AAK1: variants seen among roughly 807,000 people sequenced by gnomAD.
AAK1 encodes the protein AP2 associated kinase 1.
A neutral mutation model predicts 116.0 loss-of-function variants in AAK1; 37 were observed. The observed-to-expected ratio is 0.32, with a 90% confidence interval of 0.25 to 0.42. AAK1 has a LOEUF of 0.42. AAK1 is among the 10% of genes least tolerant of loss of function. The pLI is 1.00. For synonymous variants in AAK1, 458 were observed against 439.9 expected (o/e 1.04, Z -0.51); for missense variants, 919 against 1,170.6 (o/e 0.79, Z 3.14).
rs1573040507 is a variant in AAK1 at position 69,643,214 on chromosome 2, G to T, written c.-174C>A. On this transcript the variant is annotated 5_prime_UTR_variant, in exon 2 of 22. Coordinates refer to ENST00000409085, the MANE Select transcript of AAK1 (RefSeq NM_014911.5). Reference sequence around the variant, plus strand: ...TGAGGGAGGATGCCTATAGGAATATGCGTGTCAATCGCGCAGCGGGTCCCC... The same window carrying T: ...TGAGGGAGGATGCCTATAGGAATATTCGTGTCAATCGCGCAGCGGGTCCCC... 1 of 1,415,138 alleles carries T rather than the reference G, an allele frequency of 7.1e-7. No individual in the cohort carries two copies. Among genetic ancestry groups the T allele is most frequent in the African/African-American group, 1.5e-5 (1 of 68,914 alleles). The allele number at this position is 1,415,138 out of a possible 1,614,324, so 87.7% of individuals were successfully genotyped here. A position where few individuals can be genotyped will look rare whatever the true frequency, so the allele number is the denominator to read the frequency against.
At position 69,466,265 on chromosome 2, in the gene AAK1, G is replaced by C. The variant is rs56033551; in HGVS notation, c.*9604C>G. The C allele has an allele frequency of 2.9e-5, 37 of 1,289,740 alleles. No homozygotes were observed. The highest frequency in any genetic ancestry group is 2.3e-4 in the Admixed American group (10 of 43,568). 79.9% of individuals were successfully genotyped at this position (1,289,740 alleles called of 1,614,324 possible). On this transcript the variant is annotated 3_prime_UTR_variant, in exon 22 of 22. Coordinates refer to ENST00000409085, the MANE Select transcript of AAK1 (RefSeq NM_014911.5). ...CGGCTCCTCCCAGCTTCCCCGGGGGGGGTCTGCAGCTCTCATCTTCTTCTT... is the reference window on the plus strand; with the variant it reads ...CGGCTCCTCCCAGCTTCCCCGGGGGCGGTCTGCAGCTCTCATCTTCTTCTT...
At chr2:69,553,915 A>G (rs996524605) in intron 3 of AAK1, among the ~76,000 whole-genome samples, 3 of 138,364 alleles carry the variant, frequency 2.2e-5, no homozygotes, top group African/African-American at 5.6e-5. Flanking sequence ...GTCTCTAAGG[A>G]AAAAAAAAAA....
intron 2 of AAK1, among the ~76,000 whole-genome samples, chr2:69,615,810 TAA>T (rs2105226657): frequency 6.6e-6 from 1 of 152,366 alleles, no homozygotes; most frequent in African/African-American, 2.4e-5. Context: ...AAAACACCTA[TAA>T]CTGTTTTGTT....
rs531513097 is a variant in AAK1 at position 69,505,592 on chromosome 2, G to A, written c.2246C>T (p.Thr749Met). 1.6e-5 allele frequency: 26 copies of A among 1,613,584 alleles called. No homozygotes were observed. The highest frequency in any genetic ancestry group is 5.3e-5 in the African/African-American group (4 of 74,994). Residue 749 changes from threonine (T) to methionine (M), a missense_variant, in exon 16 of 22, where the codon ACG (threonine) becomes ATG (methionine). Around this residue, in one of 4 missense-constraint regions of AAK1, gnomAD observed 263 missense variants for 285.5 expected, o/e 0.92. Transcript: ENST00000409085. Reference protein sequence around the residue: ...FQSTQGDAFATTSFSAGTAEK... With the variant: ...FQSTQGDAFAMTSFSAGTAEK... ...ACCAGTTCCAGCAGAAAATGAGGTC[G>A]TAGCAAAAGCATCACCTTGGGTTGA...
chr2:69,492,794 T>A (rs1462242317), intron 17 of AAK1, among the ~76,000 whole-genome samples: 1 of 151,798 alleles, frequency 6.6e-6, no homozygotes, highest in African/African-American at 2.4e-5. Context: ...AAAGTGCTGG[T>A]ATTACAGGTG....
intron 10 of AAK1, among the ~76,000 whole-genome samples, chr2:69,524,409 CTTTTTTTGTT>C (rs1404677849): frequency 1.5e-5 from 2 of 135,326 alleles, no homozygotes; most frequent in Admixed American, 1.6e-4. Flanking sequence ...TAGCAACATT[CTTTTTTTGTT>C]TTGTTTTGTT....
chr2:69,589,526 T>C (rs1021154062), intron 2 of AAK1, among the ~76,000 whole-genome samples: 4 of 151,638 alleles, frequency 2.6e-5, no homozygotes, highest in African/African-American at 9.7e-5. Context: ...CTGACCAATA[T>C]GATGAAACCC....
At chr2:69,600,352 A>G (rs1673520082) in intron 2 of AAK1, among the ~76,000 whole-genome samples, 1 of 150,732 alleles carries the variant, frequency 6.6e-6, no homozygotes, top group African/African-American at 2.4e-5. Flanking sequence ...AGGAAAAAGG[A>G]AAAAAAAATC....
chr2:69,532,699 A>G (rs1670306495), intron 5 of AAK1, among the ~76,000 whole-genome samples: 1 of 152,220 alleles, frequency 6.6e-6, no homozygotes, highest in South Asian at 2.1e-4. Context: ...CCTTATAAGT[A>G]CCTATATAAA....
At chr2:69,543,019 C>CT (rs1670784956) in intron 4 of AAK1, among the ~76,000 whole-genome samples, 1 of 152,234 alleles carries the variant, frequency 6.6e-6, no homozygotes, top group Non-Finnish European at 1.5e-5. Context: ...ACAGCCTCAA[C>CT]TTGCCATATC....
chr2:69,522,859 C>T (rs78586016), intron 10 of AAK1, among the ~76,000 whole-genome samples: 3,047 of 151,874 alleles, frequency 0.02, 94 homozygotes, highest in African/African-American at 0.07. Context: ...GGTGAGCAGG[C>T]TTCTGTAGAA....
chr2:69,492,071 G>A (rs1375610845), intron 17 of AAK1, among the ~76,000 whole-genome samples: 1 of 152,022 alleles, frequency 6.6e-6, no homozygotes, highest in Non-Finnish European at 1.5e-5. Context: ...ACACCATGAG[G>A]GCGTTACTTG....
chr2:69,480,794 GA>G (rs1675058184), intron 19 of AAK1, 65 bp downstream of exon 19: 5 of 1,384,454 alleles, frequency 3.6e-6, no homozygotes, highest in Admixed American at 4.5e-5. Context: ...TGAGCCAGGT[GA>G]AAAGACTGGC....
chr2:69,530,061 T>C lies in AAK1; in HGVS notation c.818A>G (p.Asn273Ser), dbSNP rs764252422. Residue 273 changes from asparagine to serine, a missense_variant, in exon 8 of 22, where the codon AAC (asparagine) becomes AGC (serine). Transcript: ENST00000409085. ...GESQVAICDG[N>S]FTIPDNSRYS... is the part of the protein sequence containing the mutation. ...TCGAGAATTATCAGGAATTGTGAAG[T>C]TTCCATCACAAATTGCCACCTGACT... is the stretch of plus-strand genomic sequence containing the variant. The C allele has an allele frequency of 1.2e-6, 2 of 1,609,036 alleles. No individual in the cohort carries two copies. The highest frequency in any genetic ancestry group is 1.7e-6 in the Non-Finnish European group (2 of 1,177,522).
chr2:69,594,088 T>C (rs555019418), intron 2 of AAK1, among the ~76,000 whole-genome samples: 241 of 152,316 alleles, frequency 1.6e-3, no homozygotes, highest in Non-Finnish European at 2.5e-3. Context: ...TCTCCTAAGG[T>C]ACAAGTTGGA....
Position 69,463,436 on chromosome 2 carries a change from G to A in AAK1, c.*12433C>T, listed in dbSNP as rs1375541698. 6.6e-6 allele frequency: 1 copy of A among 152,062 alleles called. No individual in the cohort carries two copies. The highest frequency in any genetic ancestry group is 1.5e-5 in the Non-Finnish European group (1 of 68,012). The allele number at this position is 152,062 out of a possible 1,614,324, so 9.4% of individuals were successfully genotyped here. A position where few individuals can be genotyped will look rare whatever the true frequency, so the allele number is the denominator to read the frequency against. On this transcript the variant is annotated 3_prime_UTR_variant, in exon 22 of 22. Transcript: ENST00000409085. ...CAACTCACTGCAGCCTCAAACTCCT[G>A]GGCTCAAGTGATCCTTCCAGCTCAG...
chr2:69,534,280 C>T (rs1283649020), intron 5 of AAK1, among the ~76,000 whole-genome samples: 1 of 152,174 alleles, frequency 6.6e-6, no homozygotes, highest in African/African-American at 2.4e-5. Context: ...AACAACCTCA[C>T]TCTAGAAAGG....
intron 2 of AAK1, among the ~76,000 whole-genome samples, chr2:69,622,637 A>T (rs1197567166): frequency 1.3e-5 from 2 of 152,180 alleles, no homozygotes; most frequent in Admixed American, 6.5e-5. Context: ...GGGTTTGTGA[A>T]TGCATCAATG....
At chr2:69,501,932 C>G (rs1040380062) in intron 16 of AAK1, among the ~76,000 whole-genome samples, 6 of 152,068 alleles carry the variant, frequency 3.9e-5, no homozygotes, top group Non-Finnish European at 7.4e-5. Context: ...TATCCCACCA[C>G]TGCACTCCAG....
Sources: allele counts gnomAD v4.1 joint callset (sites outside exome capture counted in the v4.1 genomes callset), GRCh38; gene constraint gnomAD v4.1.1; regional missense constraint gnomAD v4.1.1; transcripts MANE v1.5; gene names NCBI Gene and HGNC (gene_info 2026-07-23, HGNC 2026-07-21).